Variants in DMRTA2 observed in about 807,000 individuals in gnomAD.
DMRTA2 encodes the protein doublesex- and mab-3-related transcription factor A2.
DMRTA2 carries 10 observed loss-of-function variants against 29.7 expected under a neutral mutation model. That is an observed-to-expected ratio of 0.34 (90% CI 0.21 to 0.57). The LOEUF is 0.57. Ranked by LOEUF, DMRTA2 falls within the 20% of genes least tolerant of loss-of-function variation. DMRTA2 has a pLI of 0.87. For missense variants in DMRTA2, 783 were observed against 812.1 expected (o/e 0.96, Z 0.44); for synonymous variants, 469 against 402.6 (o/e 1.16, Z -1.97).
At position 50,420,905 on chromosome 1, in the gene DMRTA2, G is replaced by C. The variant is rs1286657757; in HGVS notation, c.559+73C>G. The C allele has an allele frequency of 7.2e-7, 1 of 1,389,776 alleles. No individual in the cohort carries two copies. Among genetic ancestry groups the C allele is most frequent in the African/African-American group, 1.5e-5 (1 of 65,222 alleles). The allele number at this position is 1,389,776 out of a possible 1,614,324, so 86.1% of individuals were successfully genotyped here. ...GGGGGTTCTACTCTTTCTGAACCGA[G>C]ACAAGCCCCTGGGCCCCGTGCCCCA... On this transcript the variant is annotated intron_variant, in intron 2 of 2. Transcript: ENST00000404795. This position sits in a 1 kb window ranked among gnomAD's most constrained non-coding sequence, Gnocchi z 4.1.
chr1:50,423,045 C>T (rs981261408), intron 1 of DMRTA2, 71 bp downstream of exon 1: 21 of 152,520 alleles, frequency 1.4e-4, no homozygotes, highest in African/African-American at 5.1e-4. Context: ...CCACGGGGCC[C>T]AGGCCTCCTC....
rs1286381112 is a variant in DMRTA2, at chr1:50,422,401, C to A, written c.-9+715G>T. Among the ~76,000 whole-genome samples, 1 of 152,256 alleles carries A rather than the reference C, an allele frequency of 6.6e-6. No homozygotes were observed. The highest frequency in any genetic ancestry group is 1.5e-5 in the Non-Finnish European group (1 of 68,022). On this transcript the variant is annotated intron_variant, in intron 1 of 2. Transcript: ENST00000404795. The surrounding 1 kb of genome is among the most constrained non-coding windows in gnomAD (Gnocchi z 5.7). ...GCAAACCCAGCCCAAAGATGAGCTT[C>A]ATGGGCAAGGAAAACAGTGAAAAGC...
At position 50,417,764 on chromosome 1, in the gene DMRTA2, G is replaced by A. The variant is rs141366242; in HGVS notation, c.*901C>T. 2 of 152,306 alleles carry A rather than the reference G, an allele frequency of 1.3e-5. No homozygotes were observed. The highest frequency in any genetic ancestry group is 2.4e-5 in the African/African-American group (1 of 41,562). 9.4% of individuals were successfully genotyped at this position (152,306 alleles called of 1,614,324 possible). A position where few individuals can be genotyped will look rare whatever the true frequency, so the allele number is the denominator to read the frequency against. On this transcript the variant is annotated 3_prime_UTR_variant, in exon 3 of 3. Coordinates refer to ENST00000404795, the MANE Select transcript of DMRTA2 (RefSeq NM_032110.3). ...AGTGCGCACCTTGACGGCTCCTTAG[G>A]GACAGACCAGCCGCAGGCAAGAGGG...
chr1:50,421,501 G>T lies in DMRTA2; in HGVS notation c.36C>A (p.Gly12=). The T allele has an allele frequency of 7.9e-7, 1 of 1,272,080 alleles. No individual in the cohort carries two copies. Among genetic ancestry groups the T allele is most frequent in the Non-Finnish European group, 9.8e-7 (1 of 1,015,502 alleles). 78.8% of individuals were successfully genotyped at this position (1,272,080 alleles called of 1,614,324 possible). The change falls in exon 2 of 3, where the codon GGC becomes GGA. Residue 12 remains glycine, a synonymous_variant. Coordinates refer to ENST00000404795, the MANE Select transcript of DMRTA2 (RefSeq NM_032110.3). The surrounding 1 kb of genome is among the most constrained non-coding windows in gnomAD (Gnocchi z 8.7). ...CTGTTGCCGCCGCCGCCGTCGCCGC[G>T]CCGGGCACGCTGGGCAGCTCCGAGC... is the stretch of plus-strand genomic sequence containing the variant. ...ELRSELPSVP[G]AATAAAATAT...
Position 50,419,364 on chromosome 1 carries a change from A to G in DMRTA2, c.930T>C (p.Gly310=), listed in dbSNP as rs956447616. 6.3e-7 allele frequency: 1 copy of G among 1,596,724 alleles called. No homozygotes were observed. The highest frequency in any genetic ancestry group is 8.5e-7 in the Non-Finnish European group (1 of 1,179,022). ...TATCCAGCGGCGTCCGCTGCCGTGG[A>G]CCCGAGCCTCCGCCCAGCCCTGGCG... ...APAPGLGGGS[G]PRQRTPLDIL... is the part of the protein sequence containing the mutation. Residue 310 remains glycine, a synonymous_variant, in exon 3 of 3, where the codon GGT becomes GGC. Coordinates refer to ENST00000404795, the MANE Select transcript of DMRTA2 (RefSeq NM_032110.3). This position sits in a 1 kb window ranked among gnomAD's most constrained non-coding sequence, Gnocchi z 6.1.
rs992032595 is a variant in DMRTA2 at position 50,419,777 on chromosome 1, A to G, written c.560-43T>C. On this transcript the variant is annotated intron_variant, in intron 2 of 2. Coordinates refer to ENST00000404795, the MANE Select transcript of DMRTA2 (RefSeq NM_032110.3). The surrounding 1 kb of genome is among the most constrained non-coding windows in gnomAD (Gnocchi z 6.1). ...GTGTCGTGAGGAGCGGTTAGCTAGA[A>G]GACAGCAGTCACAGCACCTCGGCCC... 6.3e-6 allele frequency: 9 copies of G among 1,426,792 alleles called. No individual in the cohort carries two copies. In the African/African-American group the frequency reaches 1.4e-4, roughly 21 times the overall value. 88.4% of individuals were successfully genotyped at this position (1,426,792 alleles called of 1,614,324 possible).
chr1:50,418,808 C>T lies in DMRTA2; in HGVS notation c.1486G>A (p.Gly496Ser), dbSNP rs1216039924. The T allele has an allele frequency of 6.3e-7, 1 of 1,587,302 alleles. No homozygotes were observed. Among genetic ancestry groups the T allele is most frequent in the Non-Finnish European group, 8.6e-7 (1 of 1,169,528 alleles). ...GCGTAGTCCATGGGTGGGCGGAAGCCGAGCGTGGGCACCAAGCCGGCAGTG... is the reference window on the plus strand; with the variant it reads ...GCGTAGTCCATGGGTGGGCGGAAGCTGAGCGTGGGCACCAAGCCGGCAGTG... ...YSTAGLVPTL[G>S]FRPPMDYAFS... The change falls in exon 3 of 3, where the codon GGC becomes AGC. Residue 496 changes from glycine to serine, a missense_variant. This residue lies in a region of DMRTA2 where 667 missense variants were observed against 624.8 expected (regional missense o/e 1.07). Coordinates refer to ENST00000404795, the MANE Select transcript of DMRTA2 (RefSeq NM_032110.3).
Position 50,419,818 on chromosome 1 carries a change from C to T in DMRTA2, c.560-84G>A. On this transcript the variant is annotated intron_variant, in intron 2 of 2. Transcript: ENST00000404795. This position sits in a 1 kb window ranked among gnomAD's most constrained non-coding sequence, Gnocchi z 6.1. ...ACCTCGGCCCTTTGGATCTCAGTTT[C>T]CTCTCCCTCAGCCCCACAGCCCTTA... 1 of 1,191,596 alleles carries T rather than the reference C, an allele frequency of 8.4e-7. No homozygotes were observed. Among genetic ancestry groups the T allele is most frequent in the Non-Finnish European group, 1.1e-6 (1 of 886,164 alleles). 73.8% of individuals were successfully genotyped at this position (1,191,596 alleles called of 1,614,324 possible).
In DMRTA2 at chr1:50,419,633, C is replaced by T. The variant is rs575179236; in HGVS notation, c.661G>A (p.Gly221Ser). The stretch of plus-strand genomic sequence containing the variant: ...GACGTCCCGGGCCCCGAGTCTGCGC[C>T]GTCGGGTGATAAGGGCTTCACCGGC... ...PPPVKPLSPDGADSGPGTSSP... is the reference protein window; with the variant it reads ...PPPVKPLSPDSADSGPGTSSP... Residue 221 changes from glycine to serine, a missense_variant, in exon 3 of 3, where the codon GGC becomes AGC. This residue lies in a region of DMRTA2 where 667 missense variants were observed against 624.8 expected (regional missense o/e 1.07). Transcript: ENST00000404795. This position sits in a 1 kb window ranked among gnomAD's most constrained non-coding sequence, Gnocchi z 6.1. The T allele has an allele frequency of 4.6e-6, 7 of 1,524,094 alleles. No individual in the cohort carries two copies. In the East Asian group the frequency reaches 7.4e-5, roughly 16 times the overall value. 94.4% of individuals were successfully genotyped at this position (1,524,094 alleles called of 1,614,324 possible). A position where few individuals can be genotyped will look rare whatever the true frequency, so the allele number is the denominator to read the frequency against.
Position 50,420,525 on chromosome 1 carries a change from ACTAGGGCGTCTCAGAAC to A in DMRTA2, c.559+436_559+452del, listed in dbSNP as rs994688328. On this transcript the variant is annotated intron_variant, in intron 2 of 2. Coordinates refer to ENST00000404795, the MANE Select transcript of DMRTA2 (RefSeq NM_032110.3). This position sits in a 1 kb window ranked among gnomAD's most constrained non-coding sequence, Gnocchi z 4.1. ...TAGGAACGCGAGAAGGGGAAAAGAA[ACTAGGGCGTCTCAGAAC>A]CTAGGGCGTCTCAAAACCTAGGGTG... is the stretch of plus-strand genomic sequence containing the variant. Among the ~76,000 whole-genome samples, 8 of 152,138 alleles carry A rather than the reference ACTAGGGCGTCTCAGAAC, an allele frequency of 5.3e-5. No homozygotes were observed. The highest frequency in any genetic ancestry group is 3.9e-4 in the East Asian group (2 of 5,152).
rs570314960 is a variant in DMRTA2 at position 50,419,272 on chromosome 1, C to T, written c.1022G>A (p.Gly341Asp). The stretch of plus-strand genomic sequence containing the variant: ...CTGCTCGATGGCCTGCACCACGTCG[C>T]CGCCGCAGCCCTGCAACACCAGCTC... ...VLELVLQGCG[G>D]DVVQAIEQVL... The change falls in exon 3 of 3, where the codon GGC becomes GAC. Residue 341 changes from glycine to aspartate, a missense_variant. This residue lies in a region of DMRTA2 where 667 missense variants were observed against 624.8 expected (regional missense o/e 1.07). Transcript: ENST00000404795. This position sits in a 1 kb window ranked among gnomAD's most constrained non-coding sequence, Gnocchi z 6.1. 1.3e-6 allele frequency: 2 copies of T among 1,589,732 alleles called. No homozygotes were observed. The highest frequency in any genetic ancestry group is 1.1e-5 in the South Asian group (1 of 89,620).
In DMRTA2 at chr1:50,419,266, A is replaced by ACGTCGC; in HGVS notation, c.1022_1027dup (p.Gly341_Asp342dup). The ACGTCGC allele has an allele frequency of 3.1e-6, 5 of 1,588,360 alleles. No homozygotes were observed. The highest frequency in any genetic ancestry group is 4.3e-6 in the Non-Finnish European group (5 of 1,175,810). On this transcript the variant is annotated inframe_insertion, in exon 3 of 3. Transcript: ENST00000404795. This position sits in a 1 kb window ranked among gnomAD's most constrained non-coding sequence, Gnocchi z 6.1. ...CAGCACCTGCTCGATGGCCTGCACC[A>ACGTCGC]CGTCGCCGCCGCAGCCCTGCAACAC...
rs955313924 is a variant in DMRTA2 at position 50,418,938 on chromosome 1, C to G, written c.1356G>C (p.Ala452=). The change falls in exon 3 of 3, where the codon GCG becomes GCC. Residue 452 remains alanine, a synonymous_variant. Coordinates refer to ENST00000404795, the MANE Select transcript of DMRTA2 (RefSeq NM_032110.3). ...QPNASHFGAD[A]GAYPLGAPLG... ...GCGGCGCGCCCAGCGGGTAGGCGCC[C>G]GCGTCGGCACCGAAGTGACTGGCGT... 1.5e-5 allele frequency: 21 copies of G among 1,438,186 alleles called. No individual in the cohort carries two copies. The highest frequency in any genetic ancestry group is 6.0e-5 in the African/African-American group (4 of 66,370). The allele number at this position is 1,438,186 out of a possible 1,614,324, so 89.1% of individuals were successfully genotyped here.
At position 50,423,342 on chromosome 1, in the gene DMRTA2, G is replaced by C. The variant is rs1646053184; in HGVS notation, c.-235C>G. The C allele has an allele frequency of 6.6e-6, 1 of 152,202 alleles. No individual in the cohort carries two copies. The highest frequency in any genetic ancestry group is 2.4e-5 in the African/African-American group (1 of 41,456). The allele number at this position is 152,202 out of a possible 1,614,324, so 9.4% of individuals were successfully genotyped here. ...GGCTCGTCTGCGGGCCGCGTGGTTG[G>C]AACCCGCGACCTGACTCTCGCCGTG... On this transcript the variant is annotated 5_prime_UTR_variant, in exon 1 of 3. Coordinates refer to ENST00000404795, the MANE Select transcript of DMRTA2 (RefSeq NM_032110.3).
chr1:50,418,700 C>T lies in DMRTA2; in HGVS notation c.1594G>A (p.Gly532Arg), dbSNP rs529381441. Reference protein sequence around the residue: ...KEPTYGGGLYGPMVNGAPEKQ With the variant: ...KEPTYGGGLYRPMVNGAPEKQ ...TCCGGAGCGCCGTTGACCATAGGCC[C>T]GTACAGGCCGCCGCCGTAGGTCGGC... The change falls in exon 3 of 3, where the codon GGG (glycine) becomes AGG (arginine). Residue 532 changes from glycine to arginine, a missense_variant. Gly to Arg is a moderately radical substitution (Grantham distance 125). Transcript: ENST00000404795. 1.3e-6 allele frequency: 2 copies of T among 1,488,112 alleles called. No individual in the cohort carries two copies. The highest frequency in any genetic ancestry group is 2.9e-5 in the African/African-American group (2 of 68,216). 92.2% of individuals were successfully genotyped at this position (1,488,112 alleles called of 1,614,324 possible).
chr1:50,419,502 T>A lies in DMRTA2; in HGVS notation c.792A>T (p.Pro264=). 1 of 1,591,598 alleles carries A rather than the reference T, an allele frequency of 6.3e-7. No individual in the cohort carries two copies. The highest frequency in any genetic ancestry group is 1.1e-5 in the South Asian group (1 of 88,546). ...RASKEAGGSC[P]GSAGPGGGGE... is the part of the protein sequence containing the mutation. ...CGCCGCCGCCAGGGCCAGCGCTGCC[T>A]GGGCAGCTGCCACCTGCCTCTTTGG... is the stretch of plus-strand genomic sequence containing the variant. The change falls in exon 3 of 3, where the codon CCA becomes CCT. Residue 264 remains proline, a synonymous_variant. Transcript: ENST00000404795. The surrounding 1 kb of genome is among the most constrained non-coding windows in gnomAD (Gnocchi z 6.1).
At position 50,419,166 on chromosome 1, in the gene DMRTA2, T is replaced by C. The variant is rs749581340; in HGVS notation, c.1128A>G (p.Ala376=). 45 of 1,268,268 alleles carry C rather than the reference T, an allele frequency of 3.5e-5. No individual in the cohort carries two copies. The East Asian group carries it at 1.4e-3, about 40-fold the overall frequency. The allele number at this position is 1,268,268 out of a possible 1,614,324, so 78.6% of individuals were successfully genotyped here. A position where few individuals can be genotyped will look rare whatever the true frequency, so the allele number is the denominator to read the frequency against. Residue 376 remains alanine (A), a synonymous_variant, in exon 3 of 3, where the codon GCA becomes GCG. Coordinates refer to ENST00000404795, the MANE Select transcript of DMRTA2 (RefSeq NM_032110.3). This position sits in a 1 kb window ranked among gnomAD's most constrained non-coding sequence, Gnocchi z 6.1. ...TGGGCCACGCGTCGTCTGCAGCTGC[T>C]GCAGCACCCACGGCGGCCTTATCTG... The part of the protein sequence containing the change: ...APPDKAAVGA[A]AAADDAWPSR...
Position 50,421,197 on chromosome 1 carries a change from C to A in DMRTA2, c.340G>T (p.Ala114Ser). 1 of 1,537,772 alleles carries A rather than the reference C, an allele frequency of 6.5e-7. No homozygotes were observed. Among genetic ancestry groups the A allele is most frequent in the Non-Finnish European group, 8.8e-7 (1 of 1,141,974 alleles). The change falls in exon 2 of 3, where the codon GCG (alanine) becomes TCG (serine). Residue 114 changes from alanine (A) to serine (S), a missense_variant. By Grantham distance (99) the Ala-to-Ser change is moderately conservative (BLOSUM62 1). Transcript: ENST00000404795. The surrounding 1 kb of genome is among the most constrained non-coding windows in gnomAD (Gnocchi z 8.7). ...TCCTGCGCCTGCTGCCTGCGCAGCG[C>A]CACCTGCGCCGCCATGACACGCTGG... ...ERQRVMAAQV[A>S]LRRQQAQEEN...
chr1:50,421,428 C>A lies in DMRTA2; in HGVS notation c.109G>T (p.Ala37Ser). The change falls in exon 2 of 3, where the codon GCG becomes TCG. Residue 37 changes from alanine (A) to serine (S), a missense_variant. Ala to Ser is a moderately conservative substitution (Grantham distance 99). This residue lies in a region of DMRTA2 where 76 missense variants were observed against 152.6 expected (regional missense o/e 0.50). Transcript: ENST00000404795. The surrounding 1 kb of genome is among the most constrained non-coding windows in gnomAD (Gnocchi z 8.7). ...CTCACCGGTAGCGATGCAGCGGCCG[C>A]CGCGGCTGCCGCCACCGACGCCACC... ...ASVASVAAAA[A>S]AAASLPVSVA... 1 of 1,347,080 alleles carries A rather than the reference C, an allele frequency of 7.4e-7. No homozygotes were observed. The highest frequency in any genetic ancestry group is 9.5e-7 in the Non-Finnish European group (1 of 1,052,842). 83.4% of individuals were successfully genotyped at this position (1,347,080 alleles called of 1,614,324 possible).
Sources: gnomAD v4.1 joint callset for allele counts (sites outside exome capture counted in the v4.1 genomes callset) on GRCh38, gnomAD v4.1.1 for gene constraint, gnomAD v4.1.1 regional missense constraint, Gnocchi (gnomAD v3.1) non-coding constraint, MANE v1.5 for transcripts, NCBI Gene and HGNC (gene_info 2026-07-23, HGNC 2026-07-21) for gene names.